CPA4: variants seen among roughly 807,000 people sequenced by gnomAD.
CPA4 encodes the protein carboxypeptidase A3.
In CPA4, 49 loss-of-function variants were observed where a neutral mutation model predicts 54.7. That is an observed-to-expected ratio of 0.90 (90% CI 0.71 to 1.14). CPA4 has a LOEUF of 1.14. CPA4 is among the 50% of genes most tolerant of loss of function. The probability of loss-of-function intolerance (pLI) is 0.00; values close to 1 mark genes in which losing one functional copy is unlikely to be tolerated. For synonymous variants in CPA4, 215 were observed against 206.8 expected (o/e 1.04, Z -0.34); for missense variants, 487 against 525.1 (o/e 0.93, Z 0.71).
At chr7:130,302,350 G>A (rs1259960401) in intron 4 of CPA4, among the ~76,000 whole-genome samples, 1 of 152,024 alleles carries the variant, frequency 6.6e-6, no homozygotes, top group African/African-American at 2.4e-5. Context: ...TTAGCTGGGC[G>A]TGGTGGCAGG....
chr7:130,298,388 A>T (rs1311010643), intron 1 of CPA4, among the ~76,000 whole-genome samples: 1 of 152,246 alleles, frequency 6.6e-6, no homozygotes, highest in East Asian at 1.9e-4. Flanking sequence ...ACAAGGGGGA[A>T]AAAAGTAAGT....
chr7:130,315,320 A>C (rs1016351064), intron 10 of CPA4, among the ~76,000 whole-genome samples: 1 of 152,152 alleles, frequency 6.6e-6, no homozygotes, highest in African/African-American at 2.4e-5. Flanking sequence ...ACGTGAGTTT[A>C]AAGGGGCTGA....
chr7:130,315,176 G>A (rs1053463536), intron 10 of CPA4, among the ~76,000 whole-genome samples: 1 of 151,908 alleles, frequency 6.6e-6, no homozygotes, highest in Non-Finnish European at 1.5e-5. Flanking sequence ...AGTCAGTTAC[G>A]GGTTGTGGCA....
chr7:130,322,200 C>T (rs1011019145), intron 10 of CPA4, among the ~76,000 whole-genome samples: 1 of 152,150 alleles, frequency 6.6e-6, no homozygotes, highest in African/African-American at 2.4e-5. Flanking sequence ...GCCTACTATA[C>T]TCTCTATAGA....
At chr7:130,296,303 C>A (rs1793647828) in intron 1 of CPA4, among the ~76,000 whole-genome samples, 1 of 152,182 alleles carries the variant, frequency 6.6e-6, no homozygotes, top group African/African-American at 2.4e-5. Context: ...TGCCGCTTTG[C>A]ATGCTACAGA....
Position 130,305,891 on chromosome 7 carries a change from C to A in CPA4, c.562C>A (p.Gln188Lys), listed in dbSNP as rs1793812343. Reference protein sequence around the residue: ...AGIHSREWISQATAIWTARKI... With the variant: ...AGIHSREWISKATAIWTARKI... ...CATCCATTCCCGAGAGTGGATCTCC[C>A]AGGCCACTGCAATCTGGACGGCAAG... The change falls in exon 6 of 11, where the codon CAG (glutamine) becomes AAG (lysine). Residue 188 changes from glutamine (Q) to lysine (K), a missense_variant. Transcript: ENST00000222482. 6.2e-7 allele frequency: 1 copy of A among 1,613,860 alleles called. No homozygotes were observed. The highest frequency in any genetic ancestry group is 1.7e-5 in the Admixed American group (1 of 60,002).
In CPA4 at chr7:130,322,865, T is replaced by C. The variant is rs2117182267; in HGVS notation, c.*189T>C. The C allele has an allele frequency of 4.0e-6, 2 of 504,794 alleles. No homozygotes were observed. The highest frequency in any genetic ancestry group is 6.3e-5 in the East Asian group (2 of 31,574). 31.3% of individuals were successfully genotyped at this position (504,794 alleles called of 1,614,324 possible). On this transcript the variant is annotated 3_prime_UTR_variant, in exon 11 of 11. Coordinates refer to ENST00000222482, the MANE Select transcript of CPA4 (RefSeq NM_016352.4). ...GCAGTGTCCCTGCAAGAACTGGTTC[T>C]GCCAGCCTGCTCAATTTTGGTCCTG...
chr7:130,299,866 G>A (rs1386198266), intron 3 of CPA4: 1 of 168,702 alleles, frequency 5.9e-6, no homozygotes, highest in Non-Finnish European at 1.3e-5. Context: ...CAGGTGGCAA[G>A]AGCAGAGATG....
chr7:130,309,876 C>A (rs1466155545), intron 8 of CPA4, among the ~76,000 whole-genome samples: 1 of 152,140 alleles, frequency 6.6e-6, no homozygotes, highest in East Asian at 1.9e-4. Flanking sequence ...AGCAATCCTC[C>A]CACCTCAGCC....
At position 130,322,479 on chromosome 7, in the gene CPA4, C is replaced by T. The variant is rs116126078; in HGVS notation, c.1079-10C>T. On this transcript the variant is annotated splice_polypyrimidine_tract_variant and intron_variant, in intron 10 of 10. Transcript: ENST00000222482. ...TGGGCTTCAAGAGTGTTTTGTCCTC[C>T]GACTTACAGATCCAGCTAGCGGGAG... 4,636 of 1,609,382 alleles carry T rather than the reference C, an allele frequency of 2.9e-3. 118 individuals are homozygous for T. The African/African-American group carries it at 0.055, about 19-fold the overall frequency.
In CPA4 at chr7:130,305,849, G is replaced by T. The variant is rs775976932; in HGVS notation, c.520G>T (p.Val174Phe). 1.7e-5 allele frequency: 27 copies of T among 1,614,060 alleles called. No individual in the cohort carries two copies. Among genetic ancestry groups the T allele is most frequent in the Non-Finnish European group, 2.1e-5 (25 of 1,180,036 alleles). ...TGGGAAAGGCGTGAGGCGGCCGGCC[G>T]TTTGGCTGAATGCAGGCATCCATTC... ...STGKGVRRPA[V>F]WLNAGIHSRE... Residue 174 changes from valine to phenylalanine, a missense_variant, in exon 6 of 11, where the codon GTT becomes TTT. Val to Phe is a conservative substitution (Grantham distance 50). Coordinates refer to ENST00000222482, the MANE Select transcript of CPA4 (RefSeq NM_016352.4).
chr7:130,298,675 T>G lies in CPA4; in HGVS notation c.69-71T>G, dbSNP rs1562927892. On this transcript the variant is annotated intron_variant, in intron 1 of 10. Coordinates refer to ENST00000222482, the MANE Select transcript of CPA4 (RefSeq NM_016352.4). The stretch of plus-strand genomic sequence containing the variant: ...CTGGTTACGTCTGGGATAGGAGGCT[T>G]GGGGGTTTCTTTGCCAGCTGAAAGC... 5 of 921,312 alleles carry G rather than the reference T, an allele frequency of 5.4e-6. No homozygotes were observed. In the South Asian group the frequency reaches 6.7e-5, roughly 12 times the overall value. 57.1% of individuals were successfully genotyped at this position (921,312 alleles called of 1,614,324 possible). A position where few individuals can be genotyped will look rare whatever the true frequency, so the allele number is the denominator to read the frequency against.
rs768322565 is a variant in CPA4, at chr7:130,322,527, A to C, written c.1117A>C (p.Asn373His). ...GAGCAGCATCGACTGGGCATATGACAACGGCATCAAATTTGCATTCACATT... is the reference window on the plus strand; with the variant it reads ...GAGCAGCATCGACTGGGCATATGACCACGGCATCAAATTTGCATTCACATT... ...SGSSIDWAYD[N>H]GIKFAFTFEL... Residue 373 changes from asparagine (N) to histidine (H), a missense_variant, in exon 11 of 11, where the codon AAC becomes CAC. Asn to His is a moderately conservative substitution (Grantham distance 68). Coordinates refer to ENST00000222482, the MANE Select transcript of CPA4 (RefSeq NM_016352.4). 6.2e-7 allele frequency: 1 copy of C among 1,614,096 alleles called. No homozygotes were observed. The highest frequency in any genetic ancestry group is 1.1e-5 in the South Asian group (1 of 91,060).
chr7:130,305,863 A>G lies in CPA4; in HGVS notation c.534A>G (p.Ala178=). The G allele has an allele frequency of 1.9e-6, 3 of 1,614,182 alleles. No individual in the cohort carries two copies. The highest frequency in any genetic ancestry group is 2.5e-6 in the Non-Finnish European group (3 of 1,180,030). Residue 178 remains alanine (A), a synonymous_variant, in exon 6 of 11, where the codon GCA becomes GCG. Transcript: ENST00000222482. ...GVRRPAVWLN[A]GIHSREWISQ... ...GGCGGCCGGCCGTTTGGCTGAATGC[A>G]GGCATCCATTCCCGAGAGTGGATCT...
rs1793901786 is a variant in CPA4 at position 130,310,915 on chromosome 7, C to T, written c.922C>T (p.His308Tyr). ...HGNFKGFIDLHSYSQLLMYPY... is the reference protein window; with the variant it reads ...HGNFKGFIDLYSYSQLLMYPY... ...GAATTTCAAGGGCTTCATCGACCTGCACAGCTACTCGCAGCTGCTGATGTA... is the reference window on the plus strand; with the variant it reads ...GAATTTCAAGGGCTTCATCGACCTGTACAGCTACTCGCAGCTGCTGATGTA... Residue 308 changes from histidine (H) to tyrosine (Y), a missense_variant, in exon 9 of 11, where the codon CAC (histidine) becomes TAC (tyrosine). Coordinates refer to ENST00000222482, the MANE Select transcript of CPA4 (RefSeq NM_016352.4). The surrounding 1 kb of genome is among the most constrained non-coding windows in gnomAD (Gnocchi z 4.3). 1.9e-6 allele frequency: 3 copies of T among 1,614,150 alleles called. No individual in the cohort carries two copies. The East Asian group carries it at 6.7e-5, about 36-fold the overall frequency.
At chr7:130,304,772 G>A (rs1584748163) in intron 5 of CPA4, 193 bp downstream of exon 5, 1 of 601,720 alleles carries the variant, frequency 1.7e-6, no homozygotes, top group Non-Finnish European at 2.9e-6. Context: ...GAGTTAGAAG[G>A]AGCACATCCC....
At chr7:130,320,107 A>G (rs1794065339) in intron 10 of CPA4, among the ~76,000 whole-genome samples, 1 of 152,208 alleles carries the variant, frequency 6.6e-6, no homozygotes. Context: ...TAGAGAATGC[A>G]GGATAAATAC....
chr7:130,294,995 C>G (rs929013501), intron 1 of CPA4, among the ~76,000 whole-genome samples: 2 of 152,178 alleles, frequency 1.3e-5, no homozygotes, highest in African/African-American at 4.8e-5. Flanking sequence ...CCCAGTCTCT[C>G]TTGCTCTACT....
intron 5 of CPA4, among the ~76,000 whole-genome samples, chr7:130,305,490 T>C (rs1335878766): frequency 6.6e-6 from 1 of 152,222 alleles, no homozygotes; most frequent in African/African-American, 2.4e-5. Flanking sequence ...TCTCTCGCTG[T>C]TGGGATACCA....
Sources: allele counts gnomAD v4.1 joint callset (sites outside exome capture counted in the v4.1 genomes callset), GRCh38; gene constraint gnomAD v4.1.1; non-coding constraint Gnocchi (gnomAD v3.1); transcripts MANE v1.5; gene names NCBI Gene and HGNC (gene_info 2026-07-23, HGNC 2026-07-21).